Variants in FAM13A observed in about 807,000 individuals in gnomAD.
FAM13A encodes the protein family with sequence similarity 13 member A.
FAM13A carries 76 observed loss-of-function variants against 129.6 expected under a neutral mutation model. The observed-to-expected ratio is 0.59, with a 90% confidence interval of 0.49 to 0.71. The LOEUF is 0.71. FAM13A is among the 30% of genes least tolerant of loss of function. The probability of loss-of-function intolerance (pLI) is 0.00; values close to 1 mark genes in which losing one functional copy is unlikely to be tolerated. For synonymous variants in FAM13A, 443 were observed against 449.9 expected, an observed-to-expected ratio of 0.98 and a Z score of 0.20; for missense variants, 1,108 against 1,249.3, an observed-to-expected ratio of 0.89 and a Z score of 1.70.
At chr4:88,948,183 AG>A (rs1756270158) in intron 4 of FAM13A, among the ~76,000 whole-genome samples, 1 of 152,148 alleles carries the variant, frequency 6.6e-6, no homozygotes. Context: ...GGAAGGGTTA[AG>A]GGATGTATTC....
chr4:88,790,184 G>A (rs1010178173), intron 9 of FAM13A, among the ~76,000 whole-genome samples: 4 of 152,054 alleles, frequency 2.6e-5, no homozygotes, highest in African/African-American at 9.7e-5. Context: ...ACGTGTTGCA[G>A]GCACTCAGTC....
At chr4:88,846,461 C>A (rs1391775965) in intron 7 of FAM13A, among the ~76,000 whole-genome samples, 1 of 152,190 alleles carries the variant, frequency 6.6e-6, no homozygotes, top group Admixed American at 6.5e-5. Context: ...GAGAACCTGA[C>A]CTTTATTCCT....
intron 3 of FAM13A, among the ~76,000 whole-genome samples, chr4:89,014,009 A>G (rs953845976): frequency 6.6e-6 from 1 of 152,124 alleles, no homozygotes; most frequent in Admixed American, 6.5e-5. Context: ...CTGTGGTGCA[A>G]TAGTGTCCTG....
chr4:88,930,770 T>C (rs1752910365), intron 5 of FAM13A, among the ~76,000 whole-genome samples: 1 of 152,068 alleles, frequency 6.6e-6, no homozygotes, highest in Admixed American at 6.6e-5. Flanking sequence ...GGTGATGGCA[T>C]AGCAGTGGTG....
At chr4:88,913,169 GA>G in intron 5 of FAM13A, among the ~76,000 whole-genome samples, 1 of 145,572 alleles carries the variant, frequency 6.9e-6, no homozygotes, top group Non-Finnish European at 1.5e-5. Context: ...GGAGGAAGAA[GA>G]AGAGGAAGAA....
intron 9 of FAM13A, among the ~76,000 whole-genome samples, chr4:88,788,289 G>C (rs796781838): frequency 1.6e-4 from 24 of 152,224 alleles, no homozygotes; most frequent in African/African-American, 5.3e-4. Flanking sequence ...AATAATAGTA[G>C]ACCTATTCTT....
chr4:88,888,713 C>T (rs962654419), intron 6 of FAM13A, among the ~76,000 whole-genome samples: 6 of 151,212 alleles, frequency 4.0e-5, no homozygotes, highest in African/African-American at 1.5e-4. Flanking sequence ...ATCAACGGGT[C>T]AGGAGATCGA....
intron 6 of FAM13A, among the ~76,000 whole-genome samples, chr4:88,865,842 T>C (rs1212527890): frequency 6.8e-6 from 1 of 146,142 alleles, no homozygotes; most frequent in South Asian, 2.3e-4. Flanking sequence ...AATTCTAACA[T>C]CATTCATTTC....
At chr4:88,953,404 G>A (rs1177666930) in intron 4 of FAM13A, among the ~76,000 whole-genome samples, 1 of 152,114 alleles carries the variant, frequency 6.6e-6, no homozygotes, top group African/African-American at 2.4e-5. Context: ...GCAGTGAGCC[G>A]AGATTGCACC....
chr4:88,903,702 G>A (rs1294155371), intron 6 of FAM13A, among the ~76,000 whole-genome samples: 3 of 152,068 alleles, frequency 2.0e-5, no homozygotes, highest in Non-Finnish European at 4.4e-5. Context: ...ATACCATTCA[G>A]GACATAAGCA....
chr4:88,965,109 A>G (rs1290957339), intron 4 of FAM13A, among the ~76,000 whole-genome samples: 1 of 152,214 alleles, frequency 6.6e-6, no homozygotes, highest in Non-Finnish European at 1.5e-5. Context: ...CTAAGGCAAG[A>G]CCTTACCAAA....
rs1410415744 is a variant in FAM13A at position 89,029,660 on chromosome 4, C to T, written c.28-11G>A. The T allele has an allele frequency of 9.6e-6, 15 of 1,558,820 alleles. No homozygotes were observed. The highest frequency in any genetic ancestry group is 1.4e-5 in the African/African-American group (1 of 70,812). ...CGCTGCTTTACTTTGCTTAAAGGAG[C>T]GTAAGAAAAAAGAGCAGTCAGTCAT... On this transcript the variant is annotated splice_polypyrimidine_tract_variant and intron_variant, in intron 1 of 23. Coordinates refer to ENST00000264344, the MANE Select transcript of FAM13A (RefSeq NM_014883.4).
intron 13 of FAM13A, among the ~76,000 whole-genome samples, chr4:88,762,395 C>T (rs1744984478): frequency 6.6e-6 from 1 of 152,194 alleles, no homozygotes; most frequent in African/African-American, 2.4e-5. Context: ...CTGGCACAAT[C>T]CTGGACACAC....
chr4:88,842,572 C>G (rs1736009169), intron 7 of FAM13A, among the ~76,000 whole-genome samples: 1 of 152,210 alleles, frequency 6.6e-6, no homozygotes, highest in African/African-American at 2.4e-5. Context: ...ACAATACACT[C>G]CACACCTTAG....
chr4:88,856,074 T>C (rs1410357862), intron 6 of FAM13A: 1 of 152,154 alleles, frequency 6.6e-6, no homozygotes, highest in Non-Finnish European at 1.5e-5. Flanking sequence ...TATGAGACAG[T>C]ATTGTTAGTA....
chr4:88,746,962 CAG>C lies in FAM13A; in HGVS notation c.2434_2435del (p.Leu812ValfsTer4), dbSNP rs1560874714. 1 of 1,613,758 alleles carries C rather than the reference CAG, an allele frequency of 6.2e-7. No individual in the cohort carries two copies. Among genetic ancestry groups the C allele is most frequent in the African/African-American group, 1.3e-5 (1 of 75,028 alleles). ...ANEKVALQKA[L>X]LYYESIHGRP... is the part of the protein sequence containing the mutation. The stretch of plus-strand genomic sequence containing the variant: ...GTCCATGAATGCTTTCATAATATAA[CAG>C]AGCTTTCTGCAGAGCCACTTTCTCA... On this transcript the variant is annotated frameshift_variant, in exon 19 of 24. Transcript: ENST00000264344. LOFTEE classifies it high-confidence loss of function.
chr4:88,961,170 G>A (rs1281427906), intron 4 of FAM13A, among the ~76,000 whole-genome samples: 3 of 151,900 alleles, frequency 2.0e-5, no homozygotes, highest in African/African-American at 7.3e-5. Context: ...CTCTTCACTT[G>A]AAATGGAAAA....
chr4:89,016,195 A>G (rs1307911717), intron 3 of FAM13A, among the ~76,000 whole-genome samples: 1 of 141,934 alleles, frequency 7.0e-6, no homozygotes, highest in Non-Finnish European at 1.6e-5. Context: ...GTTTAAAAAA[A>G]AAAAAACACA....
chr4:88,899,707 A>C (rs1430837219), intron 6 of FAM13A, among the ~76,000 whole-genome samples: 4 of 152,094 alleles, frequency 2.6e-5, no homozygotes, highest in African/African-American at 9.7e-5. Context: ...CTGAAAACTC[A>C]AAAAGCTAGA....
Sources: allele counts gnomAD v4.1 joint callset (sites outside exome capture counted in the v4.1 genomes callset), GRCh38; gene constraint gnomAD v4.1.1; transcripts MANE v1.5; gene names NCBI Gene and HGNC (gene_info 2026-07-23, HGNC 2026-07-21).